RCBTB2: variants seen among roughly 807,000 people sequenced by gnomAD.
RCBTB2 encodes RCC1 and BTB domain-containing protein 2.
In RCBTB2, 55 loss-of-function variants were observed where a neutral mutation model predicts 65.4. The observed-to-expected ratio is 0.84, with a 90% confidence interval of 0.68 to 1.05. The LOEUF (loss-of-function observed/expected upper bound fraction) is 1.05, where lower values mean the gene tolerates loss of function less well. Ranked by LOEUF, RCBTB2 falls within the 50% of genes least tolerant of loss-of-function variation. The probability of loss-of-function intolerance (pLI) is 0.00; values close to 1 mark genes in which losing one functional copy is unlikely to be tolerated. For synonymous variants in RCBTB2, 220 were observed against 255.2 expected (o/e 0.86, Z 1.31); for missense variants, 599 against 680.1 (o/e 0.88, Z 1.33).
intron 10 of RCBTB2, among the ~76,000 whole-genome samples, chr13:48,508,208 TTA>T (rs1950597970): frequency 6.6e-6 from 1 of 152,136 alleles, no homozygotes; most frequent in South Asian, 2.1e-4. Context: ...CAGGGATAAG[TTA>T]TGACATATAC....
intron 13 of RCBTB2, among the ~76,000 whole-genome samples, chr13:48,499,168 T>TCACA (rs897430573): frequency 5.8e-5 from 8 of 138,024 alleles, no homozygotes; most frequent in African/African-American, 1.6e-4. Flanking sequence ...TCTCTCTCTC[T>TCACA]CACACACACA....
At chr13:48,515,453 T>G in intron 5 of RCBTB2, 98 bp from the exon 6 acceptor site, 1 of 1,390,338 alleles carries the variant, frequency 7.2e-7, no homozygotes, top group Non-Finnish European at 9.8e-7. Context: ...AAACTGCTTC[T>G]TTATATAATA....
chr13:48,496,914 T>C (rs1407447513), intron 13 of RCBTB2, among the ~76,000 whole-genome samples: 1 of 151,690 alleles, frequency 6.6e-6, no homozygotes, highest in African/African-American at 2.4e-5. Context: ...CCACTGCTCC[T>C]CTCTACAGCA....
intron 14 of RCBTB2, among the ~76,000 whole-genome samples, chr13:48,493,311 A>ACTCTCTCT (rs773819158): frequency 0.053 from 3,041 of 56,872 alleles, 53 homozygotes; most frequent in African/African-American, 0.083. Context: ...ACACACACAC[A>ACTCTCTCT]CACACTCTCT....
upstream of RCBTB2, among the ~76,000 whole-genome samples, chr13:48,534,113 G>T (rs1952318015): frequency 6.6e-6 from 1 of 152,212 alleles, no homozygotes; most frequent in Admixed American, 6.5e-5. Flanking sequence ...AGCCTCAGAA[G>T]GAGGCACGCA....
intron 4 of RCBTB2, among the ~76,000 whole-genome samples, chr13:48,518,136 C>T (rs1951197102): frequency 6.6e-6 from 1 of 152,134 alleles, no homozygotes; most frequent in African/African-American, 2.4e-5. Flanking sequence ...TTCTAGCCTC[C>T]AGAACTGTGA....
chr13:48,535,831 T>G, upstream of RCBTB2: 1 of 449,866 alleles, frequency 2.2e-6, no homozygotes, highest in Non-Finnish European at 4.5e-6. Context: ...TCTCCAGCCA[T>G]TGGCATACCC....
intron 10 of RCBTB2, among the ~76,000 whole-genome samples, chr13:48,503,715 A>G (rs758784530): frequency 6.6e-6 from 1 of 152,092 alleles, no homozygotes; most frequent in Non-Finnish European, 1.5e-5. Flanking sequence ...CACCTGACTA[A>G]CTTTTGTATT....
intron 1 of RCBTB2, among the ~76,000 whole-genome samples, chr13:48,528,681 T>C (rs945835947): frequency 6.6e-6 from 1 of 152,138 alleles, no homozygotes; most frequent in Non-Finnish European, 1.5e-5. Context: ...ATAAATAATA[T>C]AAATACGTAT....
At chr13:48,513,565 T>A (rs956044606) in intron 6 of RCBTB2, among the ~76,000 whole-genome samples, 2 of 152,234 alleles carry the variant, frequency 1.3e-5, no homozygotes, top group Non-Finnish European at 2.9e-5. Context: ...GACTTCTCAT[T>A]TATCTTCTGG....
At chr13:48,493,951 G>A (rs1182705430) in intron 14 of RCBTB2, among the ~76,000 whole-genome samples, 1 of 152,116 alleles carries the variant, frequency 6.6e-6, no homozygotes, top group African/African-American at 2.4e-5. Context: ...AATATTTGTT[G>A]AATCCATGCA....
intron 1 of RCBTB2, among the ~76,000 whole-genome samples, chr13:48,525,257 G>T (rs1402667660): frequency 6.6e-6 from 1 of 150,400 alleles, no homozygotes; most frequent in South Asian, 2.1e-4. Context: ...GAAGATATTT[G>T]TAACATGCAT....
At chr13:48,493,310 C>A (rs1240678726) in intron 14 of RCBTB2, among the ~76,000 whole-genome samples, 4 of 94,228 alleles carry the variant, frequency 4.2e-5, no homozygotes, top group Non-Finnish European at 2.1e-5. Context: ...CACACACACA[C>A]ACACACTCTC....
At chr13:48,507,836 G>T (rs969112841) in intron 10 of RCBTB2, among the ~76,000 whole-genome samples, 6 of 152,154 alleles carry the variant, frequency 3.9e-5, no homozygotes, top group African/African-American at 1.4e-4. Flanking sequence ...TAAGAACAAA[G>T]ATACAAATGT....
intron 6 of RCBTB2, 54 bp from the exon 7 acceptor site, chr13:48,512,949 G>A (rs559863550): frequency 2.7e-5 from 39 of 1,418,532 alleles, no homozygotes; most frequent in Middle Eastern, 1.8e-4. Flanking sequence ...TTCATTATAC[G>A]AAAATATATG....
At chr13:48,517,361 T>G (rs1187432370) in intron 4 of RCBTB2, among the ~76,000 whole-genome samples, 1 of 152,156 alleles carries the variant, frequency 6.6e-6, no homozygotes, top group Non-Finnish European at 1.5e-5. Flanking sequence ...CTCCTTTCCA[T>G]CTCATCCTCT....
chr13:48,492,942 T>C (rs756102973), intron 14 of RCBTB2, among the ~76,000 whole-genome samples: 49 of 152,218 alleles, frequency 3.2e-4, no homozygotes, highest in East Asian at 1.9e-4. Context: ...AGACATCACA[T>C]ACTTCTCATA....
Position 48,512,099 on chromosome 13 carries a change from C to G in RCBTB2, c.592G>C (p.Val198Leu). ...STVNQPIPRR[V>L]TGCLQNKVVV... ...ACTTTATTTTGTAGGCAGCCAGTGA[C>G]TCTTCGAGGGATTGGCTGATTAACT... The change falls in exon 8 of 15, where the codon GTC (valine) becomes CTC (leucine). Residue 198 changes from valine (V) to leucine (L), a missense_variant. Val to Leu is a conservative substitution (Grantham distance 32). Transcript: ENST00000344532. 6.2e-7 allele frequency: 1 copy of G among 1,614,246 alleles called. No individual in the cohort carries two copies. The highest frequency in any genetic ancestry group is 8.5e-7 in the Non-Finnish European group (1 of 1,180,030).
intron 9 of RCBTB2, 96 bp from the exon 10 acceptor site, chr13:48,510,867 A>T: frequency 7.8e-7 from 1 of 1,285,730 alleles, no homozygotes; most frequent in South Asian, 1.4e-5. Flanking sequence ...AAAAAAAAGG[A>T]AGAGGCAGCC....
Sources: allele counts gnomAD v4.1 joint callset (sites outside exome capture counted in the v4.1 genomes callset), GRCh38; gene constraint gnomAD v4.1.1; transcripts MANE v1.5; gene names NCBI Gene and HGNC (gene_info 2026-07-23, HGNC 2026-07-21).